The following NCALD variants were observed in gnomAD, a reference collection of about 807,000 sequenced individuals.
NCALD encodes neurocalcin delta.
NCALD carries 10 observed loss-of-function variants against 18.6 expected under a neutral mutation model. The observed-to-expected ratio is 0.54, with a 90% CI of 0.33 to 0.91. NCALD has a LOEUF of 0.91. Among genes scored for constraint, NCALD ranks in the 40% least tolerant of loss-of-function variants. The probability of loss-of-function intolerance (pLI) is 0.03; values close to 1 mark genes in which losing one functional copy is unlikely to be tolerated. For synonymous variants in NCALD, 88 were observed against 87.4 expected, an observed-to-expected ratio of 1.01 and a Z score of -0.04; for missense variants, 184 against 247.6, an observed-to-expected ratio of 0.74 and a Z score of 1.72.
chr8:101,755,860 A>T (rs1044668994), intron 1 of NCALD, among the ~76,000 whole-genome samples: 2 of 152,214 alleles, frequency 1.3e-5, no homozygotes, highest in Non-Finnish European at 2.9e-5. Context: ...ACACACAGTA[A>T]ATCAGATGAC....
intron 2 of NCALD, among the ~76,000 whole-genome samples, chr8:101,716,784 T>G (rs1405882131): frequency 6.6e-6 from 1 of 152,212 alleles, no homozygotes; most frequent in Non-Finnish European, 1.5e-5. Flanking sequence ...ATTATTCACA[T>G]GGTCCCAGTG....
intron 2 of NCALD, among the ~76,000 whole-genome samples, chr8:101,931,222 CTGCCAAA>C (rs1002372461): frequency 1.4e-4 from 22 of 152,280 alleles, no homozygotes; most frequent in African/African-American, 5.3e-4. Context: ...AAGCCATTTG[CTGCCAAA>C]TGGTGATTTG....
At chr8:101,900,007 C>A (rs1817361882) in intron 3 of NCALD, among the ~76,000 whole-genome samples, 1 of 151,850 alleles carries the variant, frequency 6.6e-6, no homozygotes. Context: ...CTGGAACTTT[C>A]TGTTTTGGGA....
intron 2 of NCALD, among the ~76,000 whole-genome samples, chr8:101,935,478 A>G (rs575713096): frequency 6.6e-6 from 1 of 152,360 alleles, no homozygotes; most frequent in South Asian, 2.1e-4. Context: ...ACAGTTTACA[A>G]CAGAAAGCAA....
At chr8:101,757,584 A>C (rs949780821) in intron 1 of NCALD, among the ~76,000 whole-genome samples, 5 of 152,224 alleles carry the variant, frequency 3.3e-5, no homozygotes, top group Admixed American at 2.6e-4. Context: ...CCAATGTTCC[A>C]AAAATATTTC....
At chr8:101,929,060 T>C (rs749771488) in intron 2 of NCALD, among the ~76,000 whole-genome samples, 5 of 151,954 alleles carry the variant, frequency 3.3e-5, no homozygotes, top group South Asian at 4.2e-4. Context: ...CTTTTGTGGG[T>C]ATTCCCATAT....
At chr8:101,754,052 A>T (rs1810772387) in intron 1 of NCALD, among the ~76,000 whole-genome samples, 3 of 152,154 alleles carry the variant, frequency 2.0e-5, no homozygotes, top group Non-Finnish European at 1.5e-5. Flanking sequence ...AGAGCCTGTG[A>T]AGTGCTTTCA....
chr8:101,857,685 G>A (rs773180938), intron 4 of NCALD, among the ~76,000 whole-genome samples: 6 of 152,172 alleles, frequency 3.9e-5, no homozygotes, highest in Admixed American at 6.5e-5. Context: ...AAAAGAAGGA[G>A]AACAAGATAG....
intron 2 of NCALD, among the ~76,000 whole-genome samples, chr8:101,992,979 G>A (rs554195296): frequency 9.4e-5 from 14 of 148,566 alleles, no homozygotes; most frequent in African/African-American, 3.5e-4. Flanking sequence ...AGTTTAAATA[G>A]CTCGTCCAAG....
At chr8:101,987,117 A>G (rs1264496969) in intron 2 of NCALD, among the ~76,000 whole-genome samples, 1 of 152,254 alleles carries the variant, frequency 6.6e-6, no homozygotes, top group Non-Finnish European at 1.5e-5. Context: ...AACTCAGAGG[A>G]TAAGTGATAA....
chr8:101,890,807 A>C (rs1411815095), intron 3 of NCALD, among the ~76,000 whole-genome samples: 2 of 152,226 alleles, frequency 1.3e-5, no homozygotes, highest in Non-Finnish European at 2.9e-5. Context: ...AGACAGACTG[A>C]GACATCCAGA....
At chr8:101,891,480 A>G (rs1204024299) in intron 3 of NCALD, among the ~76,000 whole-genome samples, 1 of 152,206 alleles carries the variant, frequency 6.6e-6, no homozygotes, top group Non-Finnish European at 1.5e-5. Flanking sequence ...ATTCCATTGT[A>G]TGAAAGTACT....
intron 3 of NCALD, among the ~76,000 whole-genome samples, chr8:101,891,942 G>T (rs906227336): frequency 6.6e-6 from 1 of 152,176 alleles, no homozygotes; most frequent in African/African-American, 2.4e-5. Flanking sequence ...GGGGAGGGGC[G>T]CCCGCAATTG....
intron 1 of NCALD, among the ~76,000 whole-genome samples, chr8:101,779,238 T>C (rs1169632911): frequency 6.6e-6 from 1 of 152,056 alleles, no homozygotes; most frequent in Non-Finnish European, 1.5e-5. Context: ...ACAATGAAAA[T>C]AATCCAGTTG....
intron 2 of NCALD, among the ~76,000 whole-genome samples, chr8:101,932,537 ACTTT>A (rs1271273087): frequency 6.6e-6 from 1 of 152,196 alleles, no homozygotes; most frequent in Non-Finnish European, 1.5e-5. Flanking sequence ...CAAATGAAGG[ACTTT>A]CTTTCCATTT....
At chr8:102,047,463 G>A (rs568083898) in intron 1 of NCALD, among the ~76,000 whole-genome samples, 2 of 152,262 alleles carry the variant, frequency 1.3e-5, no homozygotes, top group South Asian at 2.1e-4. Context: ...TATGGTAGCC[G>A]CTAGCCATGT....
chr8:101,695,781 C>G lies in NCALD; in HGVS notation c.379-2885G>C, dbSNP rs574744384. Among the ~76,000 whole-genome samples, 24 of 152,192 alleles carry G rather than the reference C, an allele frequency of 1.6e-4. No individual in the cohort carries two copies. The South Asian group carries it at 5.0e-3, about 32-fold the overall frequency. ...TCCTTTTAGATGTGAGGGTAGCAGT[C>G]ACATCTATTTTTTGAATCCCTGATA... On this transcript the variant is annotated intron_variant, in intron 2 of 3. Transcript: ENST00000220931.
chr8:101,874,280 A>G (rs1816137735), intron 4 of NCALD, among the ~76,000 whole-genome samples: 1 of 152,230 alleles, frequency 6.6e-6, no homozygotes, highest in Non-Finnish European at 1.5e-5. Flanking sequence ...AGCAGTAAAC[A>G]AAAGAGACAA....
intron 1 of NCALD, among the ~76,000 whole-genome samples, chr8:102,102,399 G>C (rs972858910): frequency 1.3e-5 from 2 of 152,208 alleles, no homozygotes; most frequent in East Asian, 1.9e-4. Flanking sequence ...GAAACATTTT[G>C]TGCCCTAATA....
Sources: gnomAD v4.1 joint callset for allele counts (sites outside exome capture counted in the v4.1 genomes callset) on GRCh38, gnomAD v4.1.1 for gene constraint, MANE v1.5 for transcripts, NCBI Gene and HGNC (gene_info 2026-07-23, HGNC 2026-07-21) for gene names.